Variants in NCALD observed in about 807,000 individuals in gnomAD.
NCALD encodes the protein neurocalcin delta.
NCALD carries 10 observed loss-of-function variants against 18.6 expected under a neutral mutation model. The ratio of observed to expected loss-of-function variants is 0.54; its 90% CI spans 0.33 to 0.91. The LOEUF is 0.91. Among genes scored for constraint, NCALD ranks in the 40% least tolerant of loss-of-function variants. The pLI, the probability that NCALD is intolerant of heterozygous loss-of-function variation, is 0.03. For missense variants in NCALD, 184 were observed against 247.6 expected (o/e 0.74, Z 1.72); for synonymous variants, 88 against 87.4 (o/e 1.01, Z -0.04).
In NCALD at chr8:101,931,917, C is replaced by T. The variant is rs1011857192; in HGVS notation, c.-156-16059G>A. Reference sequence around the variant, plus strand: ...CACTCATAGCCCAGGCCCTTAGGAGCCCATATCTGTCTTACTCATAGCCCA... The same window carrying T: ...CACTCATAGCCCAGGCCCTTAGGAGTCCATATCTGTCTTACTCATAGCCCA... On this transcript the variant is annotated intron_variant, in intron 2 of 6. Transcript: ENST00000311028. Among the ~76,000 whole-genome samples, 32 of 152,054 alleles carry T rather than the reference C, an allele frequency of 2.1e-4. 1 individual carries two copies. The highest frequency in any genetic ancestry group is 1.2e-4 in the Non-Finnish European group (8 of 68,006).
chr8:101,967,897 A>T (rs182946897), intron 2 of NCALD, among the ~76,000 whole-genome samples: 176 of 152,162 alleles, frequency 1.2e-3, no homozygotes, highest in African/African-American at 4.0e-3. Context: ...TTCATGCCAG[A>T]TGCTCTGCCA....
At chr8:102,028,393 AGCCTCT>A (rs1822538327) in intron 1 of NCALD, among the ~76,000 whole-genome samples, 1 of 152,248 alleles carries the variant, frequency 6.6e-6, no homozygotes, top group African/African-American at 2.4e-5. Flanking sequence ...AAATAAAGCA[AGCCTCT>A]TTCACATGTG....
At chr8:102,014,667 C>A (rs1822019942) in intron 2 of NCALD, among the ~76,000 whole-genome samples, 1 of 152,136 alleles carries the variant, frequency 6.6e-6, no homozygotes. Context: ...CTAGAAAATG[C>A]ATTTAAATGC....
At chr8:102,021,536 G>A (rs538139173) in intron 1 of NCALD, among the ~76,000 whole-genome samples, 1 of 152,132 alleles carries the variant, frequency 6.6e-6, no homozygotes, top group Admixed American at 6.5e-5. Context: ...ATTGGCTTAC[G>A]TATTCACATC....
chr8:101,868,298 C>A, intron 4 of NCALD, among the ~76,000 whole-genome samples: 1 of 152,004 alleles, frequency 6.6e-6, no homozygotes, highest in East Asian at 1.9e-4. Flanking sequence ...TGAGCTCGCA[C>A]TGACCTTCTC....
Position 101,688,759 on chromosome 8 carries a change from C to G in NCALD, c.*550G>C. ...TCTTGAAATGTTCACAGCTTAGAAACTACAGCCTGCTGGGGAAGAGAGGGG... is the reference window on the plus strand; with the variant it reads ...TCTTGAAATGTTCACAGCTTAGAAAGTACAGCCTGCTGGGGAAGAGAGGGG... On this transcript the variant is annotated 3_prime_UTR_variant, in exon 4 of 4. Transcript: ENST00000220931. 1.8e-6 allele frequency: 1 copy of G among 558,130 alleles called. No individual in the cohort carries two copies. Among genetic ancestry groups the G allele is most frequent in the Non-Finnish European group, 3.4e-6 (1 of 293,998 alleles). The allele number at this position is 558,130 out of a possible 1,614,324, so 34.6% of individuals were successfully genotyped here. A position where few individuals can be genotyped will look rare whatever the true frequency, so the allele number is the denominator to read the frequency against.
intron 1 of NCALD, among the ~76,000 whole-genome samples, chr8:102,054,906 T>C (rs1461929779): frequency 2.0e-5 from 3 of 152,176 alleles, no homozygotes; most frequent in Non-Finnish European, 4.4e-5. Flanking sequence ...CACTGACTAA[T>C]ACAAGTCCCC....
intron 3 of NCALD, among the ~76,000 whole-genome samples, chr8:101,891,857 G>C (rs1394173218): frequency 1.3e-5 from 2 of 152,194 alleles, no homozygotes; most frequent in African/African-American, 4.8e-5. Context: ...GGCTCGGAGG[G>C]TCCTACGCCC....
chr8:101,848,724 T>C (rs971927868), intron 4 of NCALD, among the ~76,000 whole-genome samples: 3 of 152,338 alleles, frequency 2.0e-5, no homozygotes, highest in Admixed American at 6.5e-5. Flanking sequence ...ATTTTTTGCA[T>C]GTATCTAGTA....
At chr8:101,891,924 C>T (rs573662228) in intron 3 of NCALD, among the ~76,000 whole-genome samples, 9 of 152,260 alleles carry the variant, frequency 5.9e-5, no homozygotes, top group East Asian at 1.9e-4. Context: ...AAGGCGGCAG[C>T]GAGGCTGGGG....
intron 1 of NCALD, among the ~76,000 whole-genome samples, chr8:101,754,330 G>T (rs1810784083): frequency 6.6e-6 from 1 of 152,128 alleles, no homozygotes; most frequent in African/African-American, 2.4e-5. Flanking sequence ...TCTACAAGTT[G>T]GGTATTGTCT....
chr8:101,793,799 A>G (rs1178314801), upstream of NCALD, among the ~76,000 whole-genome samples: 5 of 152,246 alleles, frequency 3.3e-5, no homozygotes, highest in African/African-American at 1.2e-4. Flanking sequence ...CACTCTTTGT[A>G]AAAATGTCAA....
intron 1 of NCALD, among the ~76,000 whole-genome samples, chr8:102,054,660 CGATA>C (rs10617345): frequency 0.25 from 35,054 of 141,398 alleles, 4,495 homozygotes; most frequent in African/African-American, 0.28. Context: ...CTTTCTCTTC[CGATA>C]GATAGATAGA....
intron 4 of NCALD, among the ~76,000 whole-genome samples, chr8:101,839,269 G>A (rs894827690): frequency 3.3e-5 from 5 of 151,962 alleles, no homozygotes; most frequent in African/African-American, 1.2e-4. Flanking sequence ...AGACCTTGGG[G>A]ACACCAAAAA....
chr8:102,045,727 C>T lies in NCALD; in HGVS notation c.-209-25438G>A, dbSNP rs569104655. Among the ~76,000 whole-genome samples, 10 of 152,288 alleles carry T rather than the reference C, an allele frequency of 6.6e-5. No homozygotes were observed. The South Asian group carries it at 1.9e-3, about 28-fold the overall frequency. ...TATATTTAAAGCAGACATTTTATAA[C>T]ACAATATTTTCCCTTAATACATGCA... On this transcript the variant is annotated intron_variant, in intron 1 of 6. Coordinates refer to the NCALD transcript ENST00000311028.
chr8:101,822,588 G>A (rs983444745), intron 4 of NCALD, among the ~76,000 whole-genome samples: 2 of 152,254 alleles, frequency 1.3e-5, no homozygotes, highest in African/African-American at 4.8e-5. Context: ...GTACCCAGTA[G>A]TGGCAGTCAG....
intron 2 of NCALD, among the ~76,000 whole-genome samples, chr8:101,943,797 C>G (rs1277106417): frequency 1.3e-5 from 2 of 151,962 alleles, no homozygotes; most frequent in Admixed American, 1.3e-4. Flanking sequence ...AAAAATTAGC[C>G]AGGCATGGTG....
chr8:102,051,193 T>C (rs1160484451), intron 1 of NCALD, among the ~76,000 whole-genome samples: 1 of 152,126 alleles, frequency 6.6e-6, no homozygotes, highest in Non-Finnish European at 1.5e-5. Flanking sequence ...CTCACTGATT[T>C]TCTGGAGCCA....
chr8:102,030,059 G>A (rs563876117), intron 1 of NCALD, among the ~76,000 whole-genome samples: 12 of 152,240 alleles, frequency 7.9e-5, no homozygotes, highest in East Asian at 1.9e-4. Context: ...AGATCTTTCC[G>A]GAAAAGGTGA....
Sources: allele counts gnomAD v4.1 joint callset (sites outside exome capture counted in the v4.1 genomes callset), GRCh38; gene constraint gnomAD v4.1.1; transcripts MANE v1.5; gene names NCBI Gene and HGNC (gene_info 2026-07-23, HGNC 2026-07-21).